TIMELESS: variants seen among roughly 807,000 people sequenced by gnomAD.
TIMELESS encodes the protein protein timeless homolog.
TIMELESS carries 124 observed loss-of-function variants against 164.3 expected under a neutral mutation model. The ratio of observed to expected loss-of-function variants is 0.75; its 90% CI spans 0.65 to 0.88. The LOEUF (loss-of-function observed/expected upper bound fraction) is 0.88. Among genes scored for constraint, TIMELESS ranks in the 40% least tolerant of loss-of-function variants. The probability of loss-of-function intolerance (pLI) is 0.00; values close to 1 mark genes in which losing one functional copy is unlikely to be tolerated. For synonymous variants in TIMELESS, 564 were observed against 563.4 expected (o/e 1.00, Z -0.02); for missense variants, 1,422 against 1,491.4 (o/e 0.95, Z 0.77).
rs745434401 is a variant in TIMELESS, at chr12:56,424,805, C to A, written c.1825G>T (p.Ala609Ser). 1.2e-6 allele frequency: 2 copies of A among 1,614,190 alleles called. No individual in the cohort carries two copies. The highest frequency in any genetic ancestry group is 2.7e-5 in the African/African-American group (2 of 75,040). The change falls in exon 15 of 29, where the codon GCT (alanine) becomes TCT (serine). Residue 609 changes from alanine to serine, a missense_variant. Physicochemically the swap from Ala to Ser is moderately conservative, Grantham distance 99. Transcript: ENST00000553532. ...AMVRIQDCLL[A>S]GQAPQALTLL... Reference sequence around the variant, plus strand: ...GTCAGGGCCTGTGGGGCCTGGCCAGCCAGGAGACAGTCTTGGATCCGTACC... The same window carrying A: ...GTCAGGGCCTGTGGGGCCTGGCCAGACAGGAGACAGTCTTGGATCCGTACC...
Position 56,420,656 on chromosome 12 carries a change from G to A in TIMELESS, c.3141C>T (p.Leu1047=). ...CCATGGCTTCCTCATTTTCCTCTGTGAGTGGCACCAATGGAACGGCCTGGG... is the reference window on the plus strand; with the variant it reads ...CCATGGCTTCCTCATTTTCCTCTGTAAGTGGCACCAATGGAACGGCCTGGG... ...GCSQAVPLVP[L]TEENEEAMEN... is the part of the protein sequence containing the mutation. Residue 1047 remains leucine (L), a synonymous_variant, in exon 26 of 29, where the codon CTC becomes CTT. Coordinates refer to ENST00000553532, the MANE Select transcript of TIMELESS (RefSeq NM_003920.5). The A allele has an allele frequency of 6.2e-7, 1 of 1,614,228 alleles. No homozygotes were observed. The highest frequency in any genetic ancestry group is 8.5e-7 in the Non-Finnish European group (1 of 1,180,034).
chr12:56,436,445 C>T (rs976904293), intron 1 of TIMELESS, among the ~76,000 whole-genome samples: 2 of 152,058 alleles, frequency 1.3e-5, no homozygotes, highest in South Asian at 4.1e-4. Context: ...CAGAGCAAGA[C>T]TCCATCTCAA....
In TIMELESS at chr12:56,432,602, T is replaced by G. The variant is rs1881927864; in HGVS notation, c.532-78A>C. On this transcript the variant is annotated intron_variant, in intron 6 of 28. Transcript: ENST00000553532. ...TGCCTTGAAGCTCTCCAACTCATTC[T>G]TTGACCAAGCCTCCTCTCCCAGACT... The G allele has an allele frequency of 1.9e-6, 3 of 1,551,908 alleles. No homozygotes were observed. In the South Asian group the frequency reaches 3.6e-5, roughly 18 times the overall value.
chr12:56,432,974 A>AAAAAAAAAAAAAAAG (rs142212258), intron 6 of TIMELESS, 52 bp downstream of exon 6: 1 of 867,732 alleles, frequency 1.2e-6, no homozygotes, highest in Non-Finnish European at 1.7e-6. Flanking sequence ...AAAAAAAAAA[A>AAAAAAAAAAAAAAAG]GGCAGCTCAA....
intron 26 of TIMELESS, 121 bp downstream of exon 26, chr12:56,420,448 T>A: frequency 3.9e-6 from 3 of 777,264 alleles, no homozygotes; most frequent in East Asian, 2.5e-5. Flanking sequence ...GACAAGACAA[T>A]GAGAAGGACC....
chr12:56,427,577 GCTCT>G (rs1881719051), intron 13 of TIMELESS, among the ~76,000 whole-genome samples: 1 of 151,850 alleles, frequency 6.6e-6, no homozygotes, highest in Non-Finnish European at 1.5e-5. Context: ...TCAATTTAAG[GCTCT>G]CTTTGTGTTG....
chr12:56,420,056 G>A (rs1881412462), intron 26 of TIMELESS, among the ~76,000 whole-genome samples: 2 of 86,740 alleles, frequency 2.3e-5, no homozygotes, highest in African/African-American at 8.7e-5. Context: ...ATATGTGTGT[G>A]TGTGTGTGTG....
rs1434030509 is a variant in TIMELESS at position 56,421,949 on chromosome 12, G to A, written c.2592C>T (p.Ile864=). ...NTVPRTRKQI[I]HHLVQMGLAD... is the part of the protein sequence containing the mutation. ...CCAGTCCCATCTGTACCAGATGGTG[G>A]ATGATCTGCTTGCGTGTTCGAGGAA... Residue 864 remains isoleucine (I), a synonymous_variant, in exon 21 of 29, where the codon ATC becomes ATT. Coordinates refer to ENST00000553532, the MANE Select transcript of TIMELESS (RefSeq NM_003920.5). The A allele has an allele frequency of 4.3e-6, 7 of 1,614,066 alleles. No individual in the cohort carries two copies. Among genetic ancestry groups the A allele is most frequent in the Non-Finnish European group, 5.9e-6 (7 of 1,180,056 alleles).
intron 26 of TIMELESS, among the ~76,000 whole-genome samples, chr12:56,418,759 T>G (rs894198310): frequency 4.0e-5 from 6 of 151,776 alleles, no homozygotes; most frequent in African/African-American, 1.5e-4. Flanking sequence ...CTTAAAATTT[T>G]TTGTAGAGAC....
chr12:56,417,826 A>G (rs757986328), intron 28 of TIMELESS, 40 bp from the exon 29 acceptor site: 3 of 1,613,538 alleles, frequency 1.9e-6, no homozygotes, highest in Admixed American at 3.3e-5. Flanking sequence ...GAGAATATCT[A>G]AATATGTTAA....
chr12:56,419,983 G>T (rs551607250), intron 26 of TIMELESS, among the ~76,000 whole-genome samples: 2 of 113,576 alleles, frequency 1.8e-5, no homozygotes, highest in Non-Finnish European at 3.4e-5. Context: ...CTCCAGCCTG[G>T]GTGATGGAGT....
At chr12:56,430,023 C>T in intron 10 of TIMELESS, 82 bp downstream of exon 10, 2 of 1,442,284 alleles carry the variant, frequency 1.4e-6, no homozygotes, top group Non-Finnish European at 9.3e-7. Context: ...CGAGCTCCTC[C>T]CCACTTCTTA....
At chr12:56,418,462 A>T in intron 26 of TIMELESS, 103 bp from the exon 27 acceptor site, 2 of 795,212 alleles carry the variant, frequency 2.5e-6, no homozygotes, top group South Asian at 3.5e-5. Flanking sequence ...AAGATCCACA[A>T]GGGTTGTGAA....
chr12:56,436,722 C>T (rs1249978505), intron 1 of TIMELESS, among the ~76,000 whole-genome samples: 1 of 152,114 alleles, frequency 6.6e-6, no homozygotes, highest in Non-Finnish European at 1.5e-5. Context: ...AATACATTAT[C>T]CTTATTTTTC....
chr12:56,446,077 G>C (rs1868346451), intron 1 of TIMELESS, among the ~76,000 whole-genome samples: 1 of 152,030 alleles, frequency 6.6e-6, no homozygotes, highest in South Asian at 2.1e-4. Context: ...GCTAATTTTT[G>C]TATTTTTTCT....
chr12:56,448,642 T>C (rs1025830225), intron 1 of TIMELESS, among the ~76,000 whole-genome samples: 1 of 150,518 alleles, frequency 6.6e-6, no homozygotes, highest in Non-Finnish European at 1.5e-5. Flanking sequence ...GGCAAGAGAA[T>C]CGCTTGAACC....
At chr12:56,445,436 A>C in intron 1 of TIMELESS, among the ~76,000 whole-genome samples, 1 of 127,790 alleles carries the variant, frequency 7.8e-6, no homozygotes, top group African/African-American at 3.7e-5. Context: ...AAAAAAAAAA[A>C]AAAAAAAAAA....
chr12:56,429,494 G>A (rs1036866459), intron 10 of TIMELESS, among the ~76,000 whole-genome samples: 6 of 129,280 alleles, frequency 4.6e-5, no homozygotes, highest in African/African-American at 1.7e-4. Flanking sequence ...CACTGCGCCT[G>A]GTCTTTTTTT....
chr12:56,422,811 C>CAA, intron 19 of TIMELESS, 36 bp downstream of exon 19: 1 of 1,457,396 alleles, frequency 6.9e-7, no homozygotes, highest in Non-Finnish European at 9.4e-7. Flanking sequence ...CAAACTTCCC[C>CAA]TACCCCCACC....
Sources: allele counts gnomAD v4.1 joint callset (sites outside exome capture counted in the v4.1 genomes callset), GRCh38; gene constraint gnomAD v4.1.1; transcripts MANE v1.5; gene names NCBI Gene and HGNC (gene_info 2026-07-23, HGNC 2026-07-21).